The following PTPRE variants were observed in gnomAD, a reference collection of about 807,000 sequenced individuals.
The protein encoded by PTPRE is receptor-type tyrosine-protein phosphatase epsilon.
Under a neutral mutation model 102.0 loss-of-function variants are expected in PTPRE, and 51 were observed. That is an observed-to-expected ratio of 0.50 (90% CI 0.40 to 0.63). The LOEUF (loss-of-function observed/expected upper bound fraction) is 0.63, where lower values mean the gene tolerates loss of function less well. PTPRE is among the 30% of genes least tolerant of loss of function. PTPRE has a pLI of 0.00. For missense variants in PTPRE, 752 were observed against 915.1 expected (o/e 0.82, Z 2.30); for synonymous variants, 345 against 348.2 (o/e 0.99, Z 0.10).
At chr10:128,049,899 T>C (rs1003445161) in intron 6 of PTPRE, among the ~76,000 whole-genome samples, 1 of 152,182 alleles carries the variant, frequency 6.6e-6, no homozygotes, top group African/African-American at 2.4e-5. Flanking sequence ...GAAGCCTCCT[T>C]ACACCTCCCC....
intron 2 of PTPRE, among the ~76,000 whole-genome samples, chr10:128,015,261 GGGCC>G (rs1237094619): frequency 1.3e-5 from 2 of 152,178 alleles, no homozygotes; most frequent in African/African-American, 4.8e-5. Flanking sequence ...GAGGAGAATG[GGGCC>G]GGGCCTCGTG....
intron 2 of PTPRE, chr10:127,999,823 A>G: frequency 3.0e-6 from 3 of 985,432 alleles, no homozygotes; most frequent in Non-Finnish European, 3.6e-6. Context: ...CAAAGGGAAT[A>G]CTCAGTAAAT....
chr10:127,961,380 T>C (rs1849798921), intron 1 of PTPRE, among the ~76,000 whole-genome samples: 1 of 152,050 alleles, frequency 6.6e-6, no homozygotes, highest in Non-Finnish European at 1.5e-5. Flanking sequence ...GCACAGAGAA[T>C]TGAAAAGCCT....
At chr10:128,007,273 A>T (rs1016358288) in intron 2 of PTPRE, among the ~76,000 whole-genome samples, 1 of 152,194 alleles carries the variant, frequency 6.6e-6, no homozygotes, top group Non-Finnish European at 1.5e-5. Context: ...TGGCTAGTTC[A>T]TTCACTCCTT....
intron 1 of PTPRE, among the ~76,000 whole-genome samples, chr10:127,914,712 G>A (rs1339151519): frequency 6.6e-6 from 1 of 152,180 alleles, no homozygotes; most frequent in Non-Finnish European, 1.5e-5. Flanking sequence ...TCTTCAGGGC[G>A]CTTTCCCACT....
At chr10:127,999,494 C>T in intron 2 of PTPRE, 1 of 981,006 alleles carries the variant, frequency 1.0e-6, no homozygotes, top group Non-Finnish European at 1.2e-6. Flanking sequence ...GCAGGGCGCT[C>T]TCGCCTTCTG....
chr10:127,961,228 T>A (rs1307319158), intron 1 of PTPRE, among the ~76,000 whole-genome samples: 1 of 152,130 alleles, frequency 6.6e-6, no homozygotes. Flanking sequence ...ATGAAAACGA[T>A]TAACATTCAG....
chr10:127,964,691 C>A lies in PTPRE; in HGVS notation c.-30-17583C>A, dbSNP rs535289910. The A allele has an allele frequency of 1.1e-3, 208 of 186,178 alleles. 1 individual carries two copies. Among genetic ancestry groups the A allele is most frequent in the Middle Eastern group, 2.4e-3 (1 of 414 alleles). The allele number at this position is 186,178 out of a possible 1,614,324, so 11.5% of individuals were successfully genotyped here. A position where few individuals can be genotyped will look rare whatever the true frequency, so the allele number is the denominator to read the frequency against. On this transcript the variant is annotated intron_variant, in intron 1 of 20. Coordinates refer to ENST00000254667, the MANE Select transcript of PTPRE (RefSeq NM_006504.6). ...TTCAAAGGGCACTCGCATTACCTGG[C>A]AATTACTCTTTCTCGATGAGACACA... is the stretch of plus-strand genomic sequence containing the variant.
At chr10:128,025,030 A>G (rs1846184568) in intron 2 of PTPRE, among the ~76,000 whole-genome samples, 1 of 151,956 alleles carries the variant, frequency 6.6e-6, no homozygotes, top group African/African-American at 2.4e-5. Context: ...ATGATGGTGC[A>G]TAACTGTAGT....
chr10:128,076,665 G>C lies in PTPRE; in HGVS notation c.1662G>C (p.Glu554Asp), dbSNP rs148469523. The change falls in exon 18 of 21, where the codon GAG becomes GAC. Residue 554 changes from glutamate to aspartate, a missense_variant. Coordinates refer to ENST00000254667, the MANE Select transcript of PTPRE (RefSeq NM_006504.6). ...GSVTHGEITI[E>D]IKNDTLSEAI... ...TTACTCATGGAGAAATAACGATTGA[G>C]ATAAAGAATGATACCCTTTCAGAAG... The C allele has an allele frequency of 1.8e-4, 288 of 1,611,630 alleles. No homozygotes were observed. Among genetic ancestry groups the C allele is most frequent in the Non-Finnish European group, 2.1e-4 (242 of 1,179,406 alleles).
chr10:127,992,050 C>T (rs1016593944), intron 2 of PTPRE, among the ~76,000 whole-genome samples: 3 of 152,056 alleles, frequency 2.0e-5, no homozygotes, highest in African/African-American at 7.2e-5. Flanking sequence ...CCCAGCACCT[C>T]GGGGCCCCCA....
intron 2 of PTPRE, among the ~76,000 whole-genome samples, chr10:127,986,827 C>A (rs771212284): frequency 6.6e-6 from 1 of 152,352 alleles, no homozygotes; most frequent in South Asian, 2.1e-4. Context: ...GAGCTATATG[C>A]CCCGGGCCGG....
At chr10:127,999,422 A>G (rs1853642029) in intron 2 of PTPRE, 1 of 402,488 alleles carries the variant, frequency 2.5e-6, no homozygotes, top group South Asian at 1.0e-4. Flanking sequence ...GGGAATCATG[A>G]TCGACATTGC....
intron 6 of PTPRE, among the ~76,000 whole-genome samples, chr10:128,050,239 T>A (rs1848446635): frequency 6.7e-6 from 1 of 150,336 alleles, no homozygotes; most frequent in Non-Finnish European, 1.5e-5. Context: ...GATGGATGGG[T>A]GGATGGATGG....
intron 4 of PTPRE, 117 bp from the exon 5 acceptor site, chr10:128,047,646 GC>G: frequency 1.2e-6 from 2 of 1,614,186 alleles, no homozygotes; most frequent in South Asian, 1.1e-5. Context: ...GCGCGGCTCA[GC>G]CATGAGCAAC....
At chr10:128,079,739 T>C (rs1472069027) in intron 20 of PTPRE, 44 bp downstream of exon 20, 1 of 1,577,466 alleles carries the variant, frequency 6.3e-7, no homozygotes. Context: ...TGGAGAATTA[T>C]TTCATGTTGT....
chr10:127,922,632 A>G (rs909706544), intron 1 of PTPRE, among the ~76,000 whole-genome samples: 2 of 152,200 alleles, frequency 1.3e-5, no homozygotes, highest in Non-Finnish European at 2.9e-5. Context: ...TCTGCCACAC[A>G]TGATACCACT....
chr10:128,032,162 C>A (rs1846813986), intron 2 of PTPRE, among the ~76,000 whole-genome samples: 1 of 152,050 alleles, frequency 6.6e-6, no homozygotes, highest in African/African-American at 2.4e-5. Context: ...ATTACAGGCG[C>A]CTGCCACCAC....
At chr10:128,072,496 A>T (rs1850859751) in intron 16 of PTPRE, 7 of 276,510 alleles carry the variant, frequency 2.5e-5, no homozygotes, top group Non-Finnish European at 4.8e-5. Flanking sequence ...TACTAAAAAT[A>T]CAAAAATTAG....
Sources: allele counts gnomAD v4.1 joint callset (sites outside exome capture counted in the v4.1 genomes callset), GRCh38; gene constraint gnomAD v4.1.1; transcripts MANE v1.5; gene names NCBI Gene and HGNC (gene_info 2026-07-23, HGNC 2026-07-21).